LPAR4: variants seen among roughly 807,000 people sequenced by gnomAD.
LPAR4 encodes lysophosphatidic acid receptor 4, also known as G-protein coupled receptor 23.
LPAR4 carries 14 observed loss-of-function variants against 9.2 expected under a neutral mutation model. The observed-to-expected ratio is 1.51, with a 90% CI of 1.00 to 2.37. LPAR4 has a LOEUF of 2.37. LPAR4 is among the 30% of genes most tolerant of loss of function. The pLI is 0.00. For missense variants in LPAR4, 251 were observed against 272.1 expected (o/e 0.92, Z 0.55); for synonymous variants, 131 against 97.9 (o/e 1.34, Z -1.99).
Position 78,757,082 on chromosome X carries a change from A to T in LPAR4, c.*1100A>T, listed in dbSNP as rs5959187. 0.064 allele frequency: 7,736 copies of T among 120,577 alleles called. 260 individuals carry two copies. Among genetic ancestry groups the T allele is most frequent in the South Asian group, 0.16 (414 of 2,605 alleles). 9.9% of individuals were successfully genotyped at this position (120,577 alleles called of 1,213,427 possible). A position where few individuals can be genotyped will look rare whatever the true frequency, so the allele number is the denominator to read the frequency against. On this transcript the variant is annotated 3_prime_UTR_variant, in exon 5 of 5. Coordinates refer to ENST00000614823, the MANE Select transcript of LPAR4 (RefSeq NM_001278000.3). ...GTGCCCCTGGATTGGAAGCAAATAA[A>T]AAAAAAAAACAACACATAAACTAAA... is the stretch of plus-strand genomic sequence containing the variant.
In LPAR4 at chrX:78,755,209, T is replaced by C; in HGVS notation, c.340T>C (p.Ser114Pro). ...TTTTGGTGACACCCTCTGCAAGATC[T>C]CTGGAACTGCATTCCTTACCAACAT... The part of the protein sequence containing the change: ...WPFGDTLCKI[S>P]GTAFLTNIYG... The change falls in exon 5 of 5, where the codon TCT becomes CCT. Residue 114 changes from serine (S) to proline (P), a missense_variant. Physicochemically the swap from Ser to Pro is moderately conservative, Grantham distance 74. Transcript: ENST00000614823. The C allele has an allele frequency of 8.3e-7, 1 of 1,211,109 alleles. No individual in the cohort carries two copies. Among genetic ancestry groups the C allele is most frequent in the Non-Finnish European group, 1.1e-6 (1 of 894,808 alleles).
At chrX:78,751,937 C>T (rs1267608928) in intron 4 of LPAR4, among the ~76,000 whole-genome samples, 3 of 110,868 alleles carry the variant, frequency 2.7e-5, no homozygotes, top group African/African-American at 9.8e-5. Context: ...CACATTATTT[C>T]CCAAAGATTG....
Position 78,754,973 on chromosome X carries a change from A to G in LPAR4, c.104A>G (p.Asp35Gly). Residue 35 changes from aspartate (D) to glycine (G), a missense_variant, in exon 5 of 5, where the codon GAT (aspartate) becomes GGT (glycine). Asp to Gly is a moderately conservative substitution (Grantham distance 94, BLOSUM62 -1). Transcript: ENST00000614823. ...GCCAATAATACTTGCATTGTTGATG[A>G]TTCCTTCAAGTATAATCTCAATGGT... is the stretch of plus-strand genomic sequence containing the variant. Reference protein sequence around the residue: ...ATANNTCIVDDSFKYNLNGAV... With the variant: ...ATANNTCIVDGSFKYNLNGAV... 1 of 1,209,289 alleles carries G rather than the reference A, an allele frequency of 8.3e-7. No homozygotes were observed. The highest frequency in any genetic ancestry group is 1.1e-6 in the Non-Finnish European group (1 of 893,588).
rs893720536 is a variant in LPAR4, at chrX:78,754,788, T to C, written c.-79-3T>C. 7.1e-6 allele frequency: 6 copies of C among 846,671 alleles called. No homozygotes were observed. The highest frequency in any genetic ancestry group is 9.9e-6 in the Non-Finnish European group (6 of 608,797). 69.8% of individuals were successfully genotyped at this position (846,671 alleles called of 1,213,427 possible). On this transcript the variant is annotated splice_polypyrimidine_tract_variant and splice_region_variant and intron_variant, in intron 4 of 4. Coordinates refer to ENST00000614823, the MANE Select transcript of LPAR4 (RefSeq NM_001278000.3). Reference sequence around the variant, plus strand: ...ATTATTTGTTCCATCTTGTCTCTCATAGGAGGAAAATATTTCCTACCGGTC... The same window carrying C: ...ATTATTTGTTCCATCTTGTCTCTCACAGGAGGAAAATATTTCCTACCGGTC...
rs907389735 is a variant in LPAR4 at position 78,756,544 on chromosome X, G to A, written c.*562G>A. On this transcript the variant is annotated 3_prime_UTR_variant, in exon 5 of 5. Coordinates refer to ENST00000614823, the MANE Select transcript of LPAR4 (RefSeq NM_001278000.3). ...AAACAAATTGCGTTGGCATGTACGT[G>A]GGTGGGAAGAAAAAGAAAATTAACA... 1 of 122,399 alleles carries A rather than the reference G, an allele frequency of 8.2e-6. No individual in the cohort carries two copies. The highest frequency in any genetic ancestry group is 2.8e-4 in the East Asian group (1 of 3,554). The allele number at this position is 122,399 out of a possible 1,213,427, so 10.1% of individuals were successfully genotyped here.
chrX:78,753,334 T>A (rs1272468956), intron 4 of LPAR4, among the ~76,000 whole-genome samples: 1 of 112,109 alleles, frequency 8.9e-6, no homozygotes. Context: ...AGGAAGCCAG[T>A]AAGAAAAGAG....
At chrX:78,754,092 T>C (rs1367681370) in intron 4 of LPAR4, among the ~76,000 whole-genome samples, 1 of 111,955 alleles carries the variant, frequency 8.9e-6, no homozygotes, top group East Asian at 2.8e-4. Context: ...GATGGATGTG[T>C]TAATTAGCTT....
intron 1 of LPAR4, 44 bp downstream of exon 1, chrX:78,748,078 TG>T (rs1234096579): frequency 3.7e-5 from 4 of 109,430 alleles, no homozygotes; most frequent in African/African-American, 1.3e-4. Flanking sequence ...CGTTTGGGGG[TG>T]GGGGATAGCA....
rs1925358370 is a variant in LPAR4, at chrX:78,757,531, T to C, written c.*1549T>C. 8.9e-6 allele frequency among the ~76,000 whole-genome samples: 1 copy of C among 111,947 alleles called. No homozygotes were observed. The highest frequency in any genetic ancestry group is 1.9e-5 in the Non-Finnish European group (1 of 53,083). On this transcript the variant is annotated 3_prime_UTR_variant, in exon 5 of 5. Transcript: ENST00000614823. ...AAAAAAAGAGAAAATTTTTTTATAATTTACTTAAACCGCAAAAATCTTTAA... is the reference window on the plus strand; with the variant it reads ...AAAAAAAGAGAAAATTTTTTTATAACTTACTTAAACCGCAAAAATCTTTAA...
At position 78,755,661 on chromosome X, in the gene LPAR4, C is replaced by T; in HGVS notation, c.792C>T (p.Pro264=). Residue 264 remains proline, a synonymous_variant, in exon 5 of 5, where the codon CCC becomes CCT. Coordinates refer to ENST00000614823, the MANE Select transcript of LPAR4 (RefSeq NM_001278000.3). The part of the protein sequence containing the change: ...HMAVFVVCFV[P]YNSVLFLYAL... ...CAGTCTTTGTGGTATGCTTTGTACC[C>T]TACAACTCTGTCCTCTTCTTGTATG... The T allele has an allele frequency of 1.7e-6, 2 of 1,208,677 alleles. No individual in the cohort carries two copies. Among genetic ancestry groups the T allele is most frequent in the Middle Eastern group, 2.3e-4 (1 of 4,343 alleles).
At chrX:78,748,268 T>C (rs1924922607) in intron 1 of LPAR4, among the ~76,000 whole-genome samples, 1 of 112,560 alleles carries the variant, frequency 8.9e-6, no homozygotes, top group African/African-American at 3.2e-5. Context: ...TGCTGTTTCA[T>C]GTAAACACAG....
chrX:78,749,418 A>G (rs950990811), intron 1 of LPAR4, among the ~76,000 whole-genome samples: 9 of 111,908 alleles, frequency 8.0e-5, no homozygotes, highest in Non-Finnish European at 1.5e-4. Flanking sequence ...CTTTAAGCGG[A>G]TAAATAATCA....
chrX:78,749,581 G>A (rs1480346372), intron 1 of LPAR4, among the ~76,000 whole-genome samples: 1 of 111,220 alleles, frequency 9.0e-6, no homozygotes, highest in Admixed American at 9.6e-5. Flanking sequence ...GAGGTGATAT[G>A]CCTGCTGAAA....
intron 4 of LPAR4, among the ~76,000 whole-genome samples, chrX:78,753,257 T>C (rs368735906): frequency 2.7e-5 from 3 of 112,338 alleles, no homozygotes; most frequent in East Asian, 5.6e-4. Flanking sequence ...CTCTATTTAG[T>C]GCACAATATG....
chrX:78,753,653 G>A (rs1173947394), intron 4 of LPAR4, among the ~76,000 whole-genome samples: 2 of 112,121 alleles, frequency 1.8e-5, no homozygotes, highest in Admixed American at 9.5e-5. Context: ...AGGTAGGGCC[G>A]AATACTAGCA....
Position 78,755,058 on chromosome X carries a change from C to A in LPAR4, c.189C>A (p.Val63=), listed in dbSNP as rs1925226481. ...TAACCAACAGTGTCTCTCTGTTTGT[C>A]TTCTGTTTCCGCATGAAAATGAGAA... ...GLITNSVSLF[V]FCFRMKMRSE... is the part of the protein sequence containing the mutation. The change falls in exon 5 of 5, where the codon GTC becomes GTA. Residue 63 remains valine, a synonymous_variant. Transcript: ENST00000614823. 1 of 1,207,583 alleles carries A rather than the reference C, an allele frequency of 8.3e-7. No individual in the cohort carries two copies. The highest frequency in any genetic ancestry group is 1.7e-5 in the African/African-American group (1 of 57,746).
In LPAR4 at chrX:78,757,667, A is replaced by G. The variant is rs1181529694; in HGVS notation, c.*1685A>G. 2.7e-5 allele frequency among the ~76,000 whole-genome samples: 3 copies of G among 111,663 alleles called. No homozygotes were observed. Among genetic ancestry groups the G allele is most frequent in the African/African-American group, 9.7e-5 (3 of 30,820 alleles). ...TTTGTGCTCAAGTCAGGAGCAGTGG[A>G]AATAAACCCTCGTATACACACATAC... is the stretch of plus-strand genomic sequence containing the variant. On this transcript the variant is annotated 3_prime_UTR_variant, in exon 5 of 5. Coordinates refer to ENST00000614823, the MANE Select transcript of LPAR4 (RefSeq NM_001278000.3).
chrX:78,754,812 T>C lies in LPAR4; in HGVS notation c.-58T>C, dbSNP rs901203636. The C allele has an allele frequency of 5.9e-6, 6 of 1,014,040 alleles. No individual in the cohort carries two copies. Among genetic ancestry groups the C allele is most frequent in the African/African-American group, 1.9e-5 (1 of 51,895 alleles). The allele number at this position is 1,014,040 out of a possible 1,213,427, so 83.6% of individuals were successfully genotyped here. A position where few individuals can be genotyped will look rare whatever the true frequency, so the allele number is the denominator to read the frequency against. The stretch of plus-strand genomic sequence containing the variant: ...ATAGGAGGAAAATATTTCCTACCGG[T>C]CCATAGTGTCAGAGTGGTGAACCCC... On this transcript the variant is annotated 5_prime_UTR_variant, in exon 5 of 5. Transcript: ENST00000614823.
At chrX:78,752,261 G>A (rs748332965) in intron 4 of LPAR4, among the ~76,000 whole-genome samples, 26 of 111,603 alleles carry the variant, frequency 2.3e-4, no homozygotes, top group Non-Finnish European at 4.7e-4. Flanking sequence ...CCCTCCATAT[G>A]GAATGCCATA....
Sources: gnomAD v4.1 joint callset for allele counts (sites outside exome capture counted in the v4.1 genomes callset) on GRCh38, gnomAD v4.1.1 for gene constraint, MANE v1.5 for transcripts, NCBI Gene and HGNC (gene_info 2026-07-23, HGNC 2026-07-21) for gene names.